ZBTB8A: variants seen among roughly 807,000 people sequenced by gnomAD.
The protein encoded by ZBTB8A is zinc finger and BTB domain-containing protein 8A.
Under a neutral mutation model 37.8 loss-of-function variants are expected in ZBTB8A, and 19 were observed. The ratio of observed to expected loss-of-function variants is 0.50; its 90% CI spans 0.35 to 0.74. ZBTB8A has a LOEUF of 0.74. Among genes scored for constraint, ZBTB8A ranks in the 30% least tolerant of loss-of-function variants. ZBTB8A has a pLI of 0.01. For missense variants in ZBTB8A, 394 were observed against 537.8 expected, an observed-to-expected ratio of 0.73 and a Z score of 2.65; for synonymous variants, 181 against 185.2, an observed-to-expected ratio of 0.98 and a Z score of 0.19.
chr1:32,595,091 C>T lies in ZBTB8A; in HGVS notation c.861C>T (p.Cys287=), dbSNP rs766740052. 2 of 1,614,208 alleles carry T rather than the reference C, an allele frequency of 1.2e-6. No homozygotes were observed. The highest frequency in any genetic ancestry group is 2.2e-5 in the South Asian group (2 of 91,088). The change falls in exon 4 of 5, where the codon TGC becomes TGT. Residue 287 remains cysteine (C), a synonymous_variant. Coordinates refer to ENST00000373510, the MANE Select transcript of ZBTB8A (RefSeq NM_001040441.3). The stretch of plus-strand genomic sequence containing the variant: ...GGATGCGATTCAAGTGCCCGTACTG[C>T]ACACATGTGGTGAAGCGGAAGGCAG... ...LPRMRFKCPY[C]THVVKRKADL...
At chr1:32,598,223 A>ATTTT (rs762801492) in intron 4 of ZBTB8A, among the ~76,000 whole-genome samples, 10 of 86,024 alleles carry the variant, frequency 1.2e-4, no homozygotes, top group Non-Finnish European at 1.8e-4. Flanking sequence ...GCTTTCTTGG[A>ATTTT]TTTTTTTTTT....
chr1:32,577,948 G>A (rs1049066281), intron 2 of ZBTB8A, among the ~76,000 whole-genome samples: 1 of 151,720 alleles, frequency 6.6e-6, no homozygotes. Context: ...CTATTGCCCA[G>A]TCTGGAGTGC....
At chr1:32,556,865 G>A (rs1053489285) in intron 2 of ZBTB8A, among the ~76,000 whole-genome samples, 16 of 151,714 alleles carry the variant, frequency 1.1e-4, no homozygotes, top group African/African-American at 3.6e-4. Flanking sequence ...GACAGAGCAA[G>A]ACTCTGTCTC....
intron 2 of ZBTB8A, among the ~76,000 whole-genome samples, chr1:32,567,825 A>AAAAAAAAAAAAAAAC (rs1644294123): frequency 1.4e-4 from 9 of 63,676 alleles, no homozygotes; most frequent in Non-Finnish European, 2.1e-4. Flanking sequence ...AAAAAAAAAC[A>AAAAAAAAAAAAAAAC]AAAACAAAAC....
intron 2 of ZBTB8A, among the ~76,000 whole-genome samples, chr1:32,570,348 T>G (rs55655845): frequency 0.13 from 19,362 of 152,190 alleles, 1,396 homozygotes; most frequent in African/African-American, 0.22. Flanking sequence ...ATTACGTAGG[T>G]TAAGTTCCCT....
rs763398386 is a variant in ZBTB8A, at chr1:32,601,343, G to A, written c.*924G>A. The stretch of plus-strand genomic sequence containing the variant: ...TACAAAATTAGCCGGGCATGGTGGC[G>A]GGTGCCTATAATCCCAGCTACTCGG... On this transcript the variant is annotated 3_prime_UTR_variant, in exon 5 of 5. Coordinates refer to ENST00000373510, the MANE Select transcript of ZBTB8A (RefSeq NM_001040441.3). The A allele has an allele frequency of 2.0e-4, 48 of 243,188 alleles. No individual in the cohort carries two copies. The highest frequency in any genetic ancestry group is 3.3e-4 in the Admixed American group (6 of 17,976). The allele number at this position is 243,188 out of a possible 1,614,324, so 15.1% of individuals were successfully genotyped here. A position where few individuals can be genotyped will look rare whatever the true frequency, so the allele number is the denominator to read the frequency against.
chr1:32,584,330 T>C (rs1187027373), intron 2 of ZBTB8A, among the ~76,000 whole-genome samples: 1 of 152,104 alleles, frequency 6.6e-6, no homozygotes, highest in Non-Finnish European at 1.5e-5. Flanking sequence ...TGGTACTTTG[T>C]TATGGCAGCC....
intron 2 of ZBTB8A, among the ~76,000 whole-genome samples, chr1:32,580,393 A>T (rs1456614212): frequency 6.6e-6 from 1 of 151,802 alleles, no homozygotes; most frequent in Non-Finnish European, 1.5e-5. Context: ...CTCCGTCTCT[A>T]CTAAAAATTA....
At chr1:32,568,609 A>T (rs1273084825) in intron 2 of ZBTB8A, among the ~76,000 whole-genome samples, 1 of 151,982 alleles carries the variant, frequency 6.6e-6, no homozygotes, top group Non-Finnish European at 1.5e-5. Context: ...GATGGTCTCG[A>T]TCTCCTAACC....
Position 32,605,323 on chromosome 1 carries a change from T to C in ZBTB8A, c.*4904T>C, listed in dbSNP as rs977810370. 1.3e-5 allele frequency: 2 copies of C among 152,018 alleles called. No individual in the cohort carries two copies. Among genetic ancestry groups the C allele is most frequent in the Non-Finnish European group, 2.9e-5 (2 of 68,006 alleles). 9.4% of individuals were successfully genotyped at this position (152,018 alleles called of 1,614,324 possible). A position where few individuals can be genotyped will look rare whatever the true frequency, so the allele number is the denominator to read the frequency against. ...ATAGCATTTTATATTTGCAAAGTGT[T>C]TAATAATTTTTGTTATTCTTTACAT... On this transcript the variant is annotated 3_prime_UTR_variant, in exon 5 of 5. Coordinates refer to ENST00000373510, the MANE Select transcript of ZBTB8A (RefSeq NM_001040441.3).
At chr1:32,556,364 G>A (rs7523019) in intron 2 of ZBTB8A, among the ~76,000 whole-genome samples, 17,211 of 151,506 alleles carry the variant, frequency 0.11, 1,078 homozygotes, top group African/African-American at 0.18. Flanking sequence ...TACCATGCCC[G>A]GCCACAATTT....
chr1:32,568,573 A>C (rs943259445), intron 2 of ZBTB8A, among the ~76,000 whole-genome samples: 6 of 152,024 alleles, frequency 3.9e-5, no homozygotes, highest in African/African-American at 1.4e-4. Context: ...TTTTTAGTAG[A>C]GACGGGGTTT....
At position 32,593,422 on chromosome 1, in the gene ZBTB8A, C is replaced by A; in HGVS notation, c.491C>A (p.Ser164Tyr). The A allele has an allele frequency of 6.2e-7, 1 of 1,613,962 alleles. No individual in the cohort carries two copies. The highest frequency in any genetic ancestry group is 8.5e-7 in the Non-Finnish European group (1 of 1,180,038). ...CAAGAAGGAAGCAGTTCTCCACGTT[C>A]TCACCTAAGCCCAGAGCAAGGAACA... is the stretch of plus-strand genomic sequence containing the variant. Reference protein sequence around the residue: ...GWQEGSSSPRSHLSPEQGTGI... With the variant: ...GWQEGSSSPRYHLSPEQGTGI... The change falls in exon 3 of 5, where the codon TCT becomes TAT. Residue 164 changes from serine (S) to tyrosine (Y), a missense_variant. Ser to Tyr is a moderately radical substitution (Grantham distance 144, BLOSUM62 -2). This residue lies in a region of ZBTB8A where 171 missense variants were observed against 186.8 expected (regional missense o/e 0.92). Transcript: ENST00000373510.
At chr1:32,543,146 T>C (rs3938707) in intron 1 of ZBTB8A, among the ~76,000 whole-genome samples, 18,123 of 151,946 alleles carry the variant, frequency 0.12, 1,237 homozygotes, top group African/African-American at 0.2. Flanking sequence ...TGCAATGGTG[T>C]GATCTGGGCT....
chr1:32,576,305 A>T (rs1644358522), intron 2 of ZBTB8A, among the ~76,000 whole-genome samples: 1 of 152,166 alleles, frequency 6.6e-6, no homozygotes, highest in South Asian at 2.1e-4. Context: ...TATTATAAGA[A>T]CCTTACAGTA....
chr1:32,543,243 C>T (rs2148209844), intron 1 of ZBTB8A, among the ~76,000 whole-genome samples: 1 of 152,128 alleles, frequency 6.6e-6, no homozygotes, highest in East Asian at 1.9e-4. Context: ...GCCACCATGC[C>T]CGGCTAATTT....
chr1:32,590,785 A>G (rs1644482215), intron 2 of ZBTB8A, among the ~76,000 whole-genome samples: 1 of 152,126 alleles, frequency 6.6e-6, no homozygotes, highest in Admixed American at 6.6e-5. Flanking sequence ...AACTTTGTCC[A>G]TCTCAGTCTA....
chr1:32,546,721 G>A (rs116463944), intron 1 of ZBTB8A, among the ~76,000 whole-genome samples: 8 of 152,134 alleles, frequency 5.3e-5, no homozygotes, highest in African/African-American at 1.7e-4. Context: ...GTTTTCTTTC[G>A]GCTGTTTTTC....
At chr1:32,572,731 G>A (rs1298801371) in intron 2 of ZBTB8A, among the ~76,000 whole-genome samples, 2 of 152,022 alleles carry the variant, frequency 1.3e-5, no homozygotes, top group African/African-American at 4.8e-5. Context: ...TATCACTCAG[G>A]AAATTCATCT....
Sources: gnomAD v4.1 joint callset for allele counts (sites outside exome capture counted in the v4.1 genomes callset) on GRCh38, gnomAD v4.1.1 for gene constraint, gnomAD v4.1.1 regional missense constraint, MANE v1.5 for transcripts, NCBI Gene and HGNC (gene_info 2026-07-23, HGNC 2026-07-21) for gene names.